RAPGEF1: variants seen among roughly 807,000 people sequenced by gnomAD.
RAPGEF1 encodes Rap guanine nucleotide exchange factor 1, also known as CRK SH3-binding GNRP.
RAPGEF1 carries 33 observed loss-of-function variants against 143.3 expected under a neutral mutation model. That is an observed-to-expected ratio of 0.23 (90% confidence interval 0.17 to 0.31). The LOEUF (loss-of-function observed/expected upper bound fraction) is 0.31, where lower values mean the gene tolerates loss of function less well. Among genes scored for constraint, RAPGEF1 ranks in the 10% least tolerant of loss-of-function variants. The pLI, the probability that RAPGEF1 is intolerant of heterozygous loss-of-function variation, is 1.00. For synonymous variants in RAPGEF1, 629 were observed against 676.5 expected, an observed-to-expected ratio of 0.93 and a Z score of 1.09; for missense variants, 1,199 against 1,645.4, an observed-to-expected ratio of 0.73 and a Z score of 4.69.
intron 1 of RAPGEF1, among the ~76,000 whole-genome samples, chr9:131,656,278 A>G (rs888429865): frequency 1.3e-5 from 2 of 152,178 alleles, no homozygotes; most frequent in Non-Finnish European, 2.9e-5. Context: ...ACTGAACCAG[A>G]AGTCTCAATC....
chr9:131,677,808 G>A (rs1024661077), intron 1 of RAPGEF1, among the ~76,000 whole-genome samples: 2 of 152,270 alleles, frequency 1.3e-5, no homozygotes, highest in South Asian at 2.1e-4. Context: ...ACAAACAAGC[G>A]GCCAGCTGCT....
chr9:131,705,138 C>G (rs79733130), intron 1 of RAPGEF1, among the ~76,000 whole-genome samples: 2 of 152,174 alleles, frequency 1.3e-5, no homozygotes, highest in Non-Finnish European at 2.9e-5. Context: ...AAGACACCTG[C>G]TGGCACTGGT....
At chr9:131,676,393 T>C (rs1284924929) in intron 1 of RAPGEF1, among the ~76,000 whole-genome samples, 1 of 152,232 alleles carries the variant, frequency 6.6e-6, no homozygotes, top group African/African-American at 2.4e-5. Flanking sequence ...TCAAGGCAGC[T>C]GAGCCCCAAG....
rs373633802 is a variant in RAPGEF1 at position 131,706,248 on chromosome 9, G to A, written c.61+33522C>T. 3.3e-5 allele frequency among the ~76,000 whole-genome samples: 5 copies of A among 151,912 alleles called. No individual in the cohort carries two copies. The East Asian group carries it at 7.7e-4, about 23-fold the overall frequency. ...GTGGGCTGCAGATCAGGGTCATGGT[G>A]GTGCCCTGACATTCTTCTTCTTTTT... On this transcript the variant is annotated intron_variant, in intron 1 of 26. Coordinates refer to ENST00000683357, the MANE Select transcript of RAPGEF1 (RefSeq NM_001377935.1).
At chr9:131,724,218 G>A (rs762022714) in intron 1 of RAPGEF1, among the ~76,000 whole-genome samples, 1 of 152,154 alleles carries the variant, frequency 6.6e-6, no homozygotes, top group Non-Finnish European at 1.5e-5. Context: ...TAAGATACAG[G>A]TTTGATATTC....
chr9:131,608,897 G>A (rs1957548880), intron 12 of RAPGEF1, among the ~76,000 whole-genome samples: 1 of 152,196 alleles, frequency 6.6e-6, no homozygotes, highest in South Asian at 2.1e-4. Context: ...GAAAGGCAGG[G>A]CGGGCCATTC....
At chr9:131,674,163 A>G (rs1831883760) in intron 1 of RAPGEF1, among the ~76,000 whole-genome samples, 1 of 152,164 alleles carries the variant, frequency 6.6e-6, no homozygotes, top group Non-Finnish European at 1.5e-5. Flanking sequence ...TTTCTTTATA[A>G]TAATATTTTC....
At position 131,621,270 on chromosome 9, in the gene RAPGEF1, A is replaced by G. The variant is rs12685850; in HGVS notation, c.1905+526T>C. Among the ~76,000 whole-genome samples the G allele has an allele frequency of 3.3e-5, 5 of 152,294 alleles. No individual in the cohort carries two copies. The East Asian group carries it at 9.7e-4, about 29-fold the overall frequency. On this transcript the variant is annotated intron_variant, in intron 11 of 26. Transcript: ENST00000683357. This position sits in a 1 kb window ranked among gnomAD's most constrained non-coding sequence, Gnocchi z 4.5. The stretch of plus-strand genomic sequence containing the variant: ...AGAAGAGGAAGGTGCCATGTCTGAA[A>G]CAGAGTGGCTCTGTTTAAAGCCATC...
chr9:131,688,082 T>A (rs1833497689), intron 1 of RAPGEF1, among the ~76,000 whole-genome samples: 1 of 152,148 alleles, frequency 6.6e-6, no homozygotes, highest in African/African-American at 2.4e-5. Context: ...CACAGCCAGG[T>A]CTCTTGACCT....
At chr9:131,722,030 T>C (rs1051765983) in intron 1 of RAPGEF1, among the ~76,000 whole-genome samples, 2 of 152,198 alleles carry the variant, frequency 1.3e-5, no homozygotes, top group South Asian at 4.1e-4. Flanking sequence ...CACCTGCTAA[T>C]GTATTTTCTC....
At chr9:131,730,545 A>ATTAGCCGGGCGTGGTGG (rs1836980478) in intron 1 of RAPGEF1, among the ~76,000 whole-genome samples, 1 of 151,366 alleles carries the variant, frequency 6.6e-6, no homozygotes, top group Non-Finnish European at 1.5e-5. Context: ...AAATACAAAA[A>ATTAGCCGGGCGTGGTGG]TTAGCCGGGC....
intron 14 of RAPGEF1, 42 bp downstream of exon 14, chr9:131,603,919 C>G: frequency 4.9e-6 from 6 of 1,227,740 alleles, no homozygotes; most frequent in Non-Finnish European, 6.5e-6. Flanking sequence ...CCAAGCCCCA[C>G]CAGGCCAGGC....
chr9:131,709,493 T>G, intron 1 of RAPGEF1: 1 of 753,388 alleles, frequency 1.3e-6, no homozygotes, highest in Middle Eastern at 3.0e-4. Context: ...GAAATCATGT[T>G]GGACTACCTG....
intron 12 of RAPGEF1, among the ~76,000 whole-genome samples, chr9:131,608,732 C>A (rs1957520301): frequency 6.6e-6 from 1 of 152,186 alleles, no homozygotes. Context: ...TTCTGATCAC[C>A]ATGAAGCCCT....
At chr9:131,588,121 C>G (rs1564460342) in intron 20 of RAPGEF1, 95 bp from the exon 21 acceptor site, 1 of 1,075,194 alleles carries the variant, frequency 9.3e-7, no homozygotes, top group Non-Finnish European at 1.4e-6. Context: ...AGCAGGAGAG[C>G]CTCTCTGCCC....
At chr9:131,718,377 G>C (rs1836013911) in intron 1 of RAPGEF1, among the ~76,000 whole-genome samples, 1 of 152,196 alleles carries the variant, frequency 6.6e-6, no homozygotes, top group Non-Finnish European at 1.5e-5. Context: ...CAATCATAAA[G>C]AGGATCCATG....
intron 15 of RAPGEF1, 135 bp downstream of exon 15, chr9:131,601,926 A>AT: frequency 1.5e-6 from 1 of 652,744 alleles, no homozygotes; most frequent in East Asian, 2.8e-5. Context: ...AAAAAAGGAA[A>AT]TAAGGAAAGA....
intron 1 of RAPGEF1, among the ~76,000 whole-genome samples, chr9:131,663,672 T>C (rs111300947): frequency 7.6e-4 from 115 of 152,272 alleles, no homozygotes; most frequent in African/African-American, 2.5e-3. Context: ...GGGTAATACA[T>C]GCTTGGTAAA....
At chr9:131,602,444 C>A (rs1034828346) in intron 14 of RAPGEF1, among the ~76,000 whole-genome samples, 1 of 152,226 alleles carries the variant, frequency 6.6e-6, no homozygotes, top group Non-Finnish European at 1.5e-5. Flanking sequence ...GCCACTCCCC[C>A]CGAGCACAGC....
Sources: allele counts gnomAD v4.1 joint callset (sites outside exome capture counted in the v4.1 genomes callset), GRCh38; gene constraint gnomAD v4.1.1; non-coding constraint Gnocchi (gnomAD v3.1); transcripts MANE v1.5; gene names NCBI Gene and HGNC (gene_info 2026-07-23, HGNC 2026-07-21).